FAM3A: variants seen among roughly 807,000 people sequenced by gnomAD.
FAM3A encodes FAM3 metabolism regulating signaling molecule A.
In FAM3A, 5 loss-of-function variants were observed where a neutral mutation model predicts 18.1. That is an observed-to-expected ratio of 0.28 (90% CI 0.14 to 0.58). The LOEUF (loss-of-function observed/expected upper bound fraction) is 0.58. FAM3A is among the 20% of genes least tolerant of loss of function. The pLI is 0.91. For missense variants in FAM3A, 154 were observed against 216.6 expected (o/e 0.71, Z 1.81); for synonymous variants, 108 against 90.2 (o/e 1.20, Z -1.12).
chrX:154,511,727 GC>G (rs782735383), intron 3 of FAM3A, 120 bp downstream of exon 3: 445 of 650,960 alleles, frequency 6.8e-4, no homozygotes, highest in Non-Finnish European at 1.0e-3. Context: ...GTGGCAAGCA[GC>G]CCCCGTGGAC....
intron 3 of FAM3A, chrX:154,510,779 T>C (rs890468494): frequency 9.1e-6 from 1 of 109,895 alleles, no homozygotes. Flanking sequence ...ATATGAAAAT[T>C]AGTTGGGTAT....
chrX:154,506,556 G>A lies in FAM3A; in HGVS notation c.*255C>T. 1 of 392,311 alleles carries A rather than the reference G, an allele frequency of 2.5e-6. No individual in the cohort carries two copies. The highest frequency in any genetic ancestry group is 3.7e-5 in the South Asian group (1 of 26,877). 32.3% of individuals were successfully genotyped at this position (392,311 alleles called of 1,213,427 possible). A position where few individuals can be genotyped will look rare whatever the true frequency, so the allele number is the denominator to read the frequency against. On this transcript the variant is annotated 3_prime_UTR_variant, in exon 9 of 9. Transcript: ENST00000447601. ...GACAGGGCTAGATGGGCTGACCGGGGGGAACAGTGTTACGAAAAGGAGGCG... is the reference window on the plus strand; with the variant it reads ...GACAGGGCTAGATGGGCTGACCGGGAGGAACAGTGTTACGAAAAGGAGGCG...
chrX:154,508,370 G>GGGGGCCCCCCCCCCCCCCC, intron 4 of FAM3A, 23 bp from the exon 5 acceptor site: 1 of 317,073 alleles, frequency 3.2e-6, no homozygotes, highest in Non-Finnish European at 5.6e-6. Context: ...GGGTGGGGGG[G>GGGGGCCCCCCCCCCCCCCC]ACGGGGAGAT....
intron 1 of FAM3A, among the ~76,000 whole-genome samples, chrX:154,514,281 C>T (rs2070053883): frequency 9.0e-6 from 1 of 111,645 alleles, no homozygotes; most frequent in Admixed American, 9.5e-5. Flanking sequence ...CTTGCTCTTG[C>T]CCCCCAGGCT....
chrX:154,514,093 G>C (rs2070042450), intron 1 of FAM3A, among the ~76,000 whole-genome samples: 1 of 110,268 alleles, frequency 9.1e-6, no homozygotes, highest in Non-Finnish European at 1.9e-5. Context: ...TTCTCTGCTG[G>C]CTTTCCGGAC....
rs1389775033 is a variant in FAM3A at position 154,508,549 on chromosome X, T to G, written c.200A>C (p.Glu67Ala). 1 of 1,201,817 alleles carries G rather than the reference T, an allele frequency of 8.3e-7. No individual in the cohort carries two copies. Among genetic ancestry groups the G allele is most frequent in the African/African-American group, 1.7e-5 (1 of 57,403 alleles). Residue 67 changes from glutamate (E) to alanine (A), a missense_variant, in exon 4 of 9, where the codon GAG becomes GCG. Coordinates refer to ENST00000447601, the MANE Select transcript of FAM3A (RefSeq NM_021806.4). ...YKCGLPQPCP[E>A]EHLAFRVVSG... ...GACCACGCGGAAGGCCAGGTGCTCC[T>G]CAGGACACGGCTGGGGCAGGCCACA...
chrX:154,513,921 AC>A (rs1557224208), intron 1 of FAM3A, among the ~76,000 whole-genome samples: 1 of 108,957 alleles, frequency 9.2e-6, no homozygotes, highest in African/African-American at 3.4e-5. Flanking sequence ...ACTCCCTCCC[AC>A]CCTACTCCAG....
chrX:154,507,611 G>T (rs983764436), intron 6 of FAM3A, 121 bp from the exon 7 acceptor site: 14 of 863,502 alleles, frequency 1.6e-5, no homozygotes, highest in Admixed American at 1.1e-4. Flanking sequence ...CCCCGCCAAG[G>T]GACAGGCTGG....
intron 2 of FAM3A, 31 bp downstream of exon 2, chrX:154,512,792 A>G: frequency 8.9e-7 from 1 of 1,117,345 alleles, no homozygotes; most frequent in Non-Finnish European, 1.2e-6. Context: ...GGTGGCCTCC[A>G]GAGAAGGATA....
intron 3 of FAM3A, chrX:154,509,115 G>A (rs1472290503): frequency 8.5e-6 from 2 of 235,791 alleles, no homozygotes; most frequent in Non-Finnish European, 1.6e-5. Flanking sequence ...TAGGGCCTTT[G>A]CAGTTCAGAT....
At chrX:154,514,306 C>A (rs912735779) in intron 1 of FAM3A, among the ~76,000 whole-genome samples, 2 of 111,349 alleles carry the variant, frequency 1.8e-5, no homozygotes, top group African/African-American at 3.3e-5. Flanking sequence ...TGCAATGGCG[C>A]GATGTCGGCT....
intron 3 of FAM3A, chrX:154,510,416 C>T (rs1286634326): frequency 1.9e-5 from 2 of 106,880 alleles, no homozygotes; most frequent in Admixed American, 2.1e-4. Context: ...GTCGCAGCTA[C>T]TTGGGAGACT....
rs782644277 is a variant in FAM3A, at chrX:154,506,914, G to A, written c.598-8C>T. ...CTTACTGTTCTTCACGTGCTGTGGG[G>A]AGGGGAGCAGAAAGTCATGACTTTG... On this transcript the variant is annotated splice_region_variant and splice_polypyrimidine_tract_variant and intron_variant, in intron 8 of 8. Coordinates refer to ENST00000447601, the MANE Select transcript of FAM3A (RefSeq NM_021806.4). The A allele has an allele frequency of 8.4e-7, 1 of 1,196,228 alleles. No individual in the cohort carries two copies. Among genetic ancestry groups the A allele is most frequent in the Non-Finnish European group, 1.1e-6 (1 of 882,344 alleles).
intron 3 of FAM3A, chrX:154,510,696 A>C (rs1212849790): frequency 9.0e-6 from 1 of 111,238 alleles, no homozygotes; most frequent in Non-Finnish European, 1.9e-5. Context: ...TGCGGGGCCA[A>C]GGCGGGAGGA....
At chrX:154,511,985 G>A (rs1005040791) in intron 2 of FAM3A, 114 bp from the exon 3 acceptor site, 90 of 661,788 alleles carry the variant, frequency 1.4e-4, no homozygotes, top group Admixed American at 5.5e-5. Flanking sequence ...CTCAGGGGCC[G>A]GGGGCTAAGC....
chrX:154,512,310 G>A (rs1264815137), intron 2 of FAM3A: 2 of 253,729 alleles, frequency 7.9e-6, no homozygotes, highest in African/African-American at 3.1e-5. Context: ...TTGGTGGTGC[G>A]CACCTGTAGT....
chrX:154,511,779 G>T, intron 3 of FAM3A, 69 bp downstream of exon 3: 1 of 1,054,556 alleles, frequency 9.5e-7, no homozygotes, highest in South Asian at 1.9e-5. Flanking sequence ...GAAAACCGAA[G>T]CCCTACGGGA....
At chrX:154,511,496 A>T in intron 3 of FAM3A, 1 of 207,545 alleles carries the variant, frequency 4.8e-6, no homozygotes. Context: ...TCATTCCAGC[A>T]GGCCCAGAAG....
In FAM3A at chrX:154,506,604, AAGTGCGGCAGG is replaced by A; in HGVS notation, c.*196_*206del. On this transcript the variant is annotated 3_prime_UTR_variant, in exon 9 of 9. Coordinates refer to ENST00000447601, the MANE Select transcript of FAM3A (RefSeq NM_021806.4). ...GCGGGTACCCTGGGCTCCCGTGACA[AAGTGCGGCAGG>A]GCTACCCCCTGCAGCCCCCATAGCC... 2.4e-6 allele frequency: 1 copy of A among 425,177 alleles called. No individual in the cohort carries two copies. The highest frequency in any genetic ancestry group is 4.1e-6 in the Non-Finnish European group (1 of 242,581). 35.0% of individuals were successfully genotyped at this position (425,177 alleles called of 1,213,427 possible).
Sources: allele counts gnomAD v4.1 joint callset (sites outside exome capture counted in the v4.1 genomes callset), GRCh38; gene constraint gnomAD v4.1.1; transcripts MANE v1.5; gene names NCBI Gene and HGNC (gene_info 2026-07-23, HGNC 2026-07-21).